The following NFIA variants were observed in gnomAD, a reference collection of about 807,000 sequenced individuals.
NFIA encodes nuclear factor I A.
NFIA carries 8 observed loss-of-function variants against 62.8 expected under a neutral mutation model. The observed-to-expected ratio is 0.13, with a 90% CI of 0.07 to 0.23. NFIA has a LOEUF of 0.23. NFIA is among the 10% of genes least tolerant of loss of function. The pLI, the probability that NFIA is intolerant of heterozygous loss-of-function variation, is 1.00. For missense variants in NFIA, 410 were observed against 642.1 expected, an observed-to-expected ratio of 0.64 and a Z score of 3.91; for synonymous variants, 235 against 238.1, an observed-to-expected ratio of 0.99 and a Z score of 0.12.
At chr1:61,199,964 C>T (rs899579235) in intron 2 of NFIA, among the ~76,000 whole-genome samples, 11 of 142,968 alleles carry the variant, frequency 7.7e-5, no homozygotes, top group Admixed American at 6.4e-4. Context: ...CACTGCACTC[C>T]AGCCTGCACG....
At chr1:61,117,955 A>G (rs1338546181) in intron 2 of NFIA, among the ~76,000 whole-genome samples, 1 of 152,110 alleles carries the variant, frequency 6.6e-6, no homozygotes. Flanking sequence ...AGGCTGAGGC[A>G]GGTGGATTGC....
chr1:61,305,972 C>T (rs548829875), intron 3 of NFIA, among the ~76,000 whole-genome samples: 7 of 151,764 alleles, frequency 4.6e-5, no homozygotes, highest in Admixed American at 2.6e-4. Flanking sequence ...ATCAGCCTCC[C>T]GAGTAGCTGG....
At chr1:61,393,781 G>A (rs904188866) in intron 7 of NFIA, among the ~76,000 whole-genome samples, 1 of 152,150 alleles carries the variant, frequency 6.6e-6, no homozygotes, top group South Asian at 2.1e-4. Flanking sequence ...GGAGATAACA[G>A]CAAAGCTGGC....
intron 10 of NFIA, among the ~76,000 whole-genome samples, chr1:61,448,742 G>A (rs1462067946): frequency 6.6e-6 from 1 of 152,174 alleles, no homozygotes; most frequent in Non-Finnish European, 1.5e-5. Context: ...CGGTGGGCCG[G>A]AGTGCAGTTT....
intron 2 of NFIA, among the ~76,000 whole-genome samples, chr1:61,107,158 G>T (rs1333982811): frequency 4.6e-5 from 7 of 151,176 alleles, no homozygotes; most frequent in Admixed American, 4.6e-4. Flanking sequence ...GTGTGTAAAA[G>T]TTTCTTTATG....
intron 2 of NFIA, among the ~76,000 whole-genome samples, chr1:61,166,473 A>C (rs1649574206): frequency 6.6e-6 from 1 of 152,236 alleles, no homozygotes; most frequent in Non-Finnish European, 1.5e-5. Flanking sequence ...ACTGAGAAGA[A>C]AAATAGCAGA....
chr1:61,392,841 G>C (rs529265107), intron 7 of NFIA, among the ~76,000 whole-genome samples: 55 of 152,298 alleles, frequency 3.6e-4, no homozygotes, highest in African/African-American at 1.3e-3. Context: ...CAGGGGACCT[G>C]GATTTAAACT....
chr1:61,137,150 A>G (rs1352618902), intron 2 of NFIA, among the ~76,000 whole-genome samples: 1 of 152,188 alleles, frequency 6.6e-6, no homozygotes, highest in East Asian at 1.9e-4. Context: ...TTTTGGAAGA[A>G]AAGGTGACTC....
intron 2 of NFIA, among the ~76,000 whole-genome samples, chr1:61,113,231 A>G (rs929081901): frequency 6.6e-6 from 1 of 151,936 alleles, no homozygotes; most frequent in Non-Finnish European, 1.5e-5. Context: ...GTCATCCTAG[A>G]TATACAGTGT....
intron 2 of NFIA, among the ~76,000 whole-genome samples, chr1:61,093,501 T>C (rs2100423013): frequency 6.6e-6 from 1 of 152,332 alleles, no homozygotes; most frequent in South Asian, 2.1e-4. Context: ...GGCATATTTT[T>C]AGAAATTTTA....
In NFIA at chr1:61,082,786, G is replaced by A. The variant is rs1159594132; in HGVS notation, c.-6G>A. On this transcript the variant is annotated 5_prime_UTR_variant, in exon 1 of 11. Coordinates refer to ENST00000403491, the MANE Select transcript of NFIA (RefSeq NM_001134673.4). ...ACGCACACGCATACCCCAGCGCCCG[G>A]CAGTTATGTATTCTCCGCTCTGTCT... 6.4e-7 allele frequency: 1 copy of A among 1,551,960 alleles called. No homozygotes were observed. Among genetic ancestry groups the A allele is most frequent in the Middle Eastern group, 1.7e-4 (1 of 5,992 alleles).
intron 1 of NFIA, among the ~76,000 whole-genome samples, chr1:61,085,750 G>C (rs972481434): frequency 6.6e-6 from 1 of 152,098 alleles, no homozygotes; most frequent in South Asian, 2.1e-4. Flanking sequence ...ACTTTTACTG[G>C]CAGGTTCTTA....
chr1:61,356,317 T>G (rs1417098970), intron 5 of NFIA, among the ~76,000 whole-genome samples: 1 of 152,236 alleles, frequency 6.6e-6, no homozygotes, highest in East Asian at 1.9e-4. Context: ...GGGAAATGTT[T>G]ATTTTTTTCT....
At chr1:61,183,902 G>A (rs1299660619) in intron 2 of NFIA, among the ~76,000 whole-genome samples, 2 of 151,860 alleles carry the variant, frequency 1.3e-5, no homozygotes, top group East Asian at 1.9e-4. Context: ...GTACACGTGC[G>A]CAAACTTGGG....
chr1:61,390,834 G>A (rs541783352), intron 7 of NFIA, among the ~76,000 whole-genome samples: 101 of 152,154 alleles, frequency 6.6e-4, no homozygotes, highest in Non-Finnish European at 1.4e-3. Flanking sequence ...CTTGTGCCCG[G>A]CATAAGGAAA....
chr1:61,167,397 T>C lies in NFIA; in HGVS notation c.559+78717T>C, dbSNP rs1056232175. On this transcript the variant is annotated intron_variant, in intron 2 of 10. Transcript: ENST00000403491. ...GTAGAGTCATTATGATATTATTTCA[T>C]AGCTATTAAAATTTGCTATCTTGAT... is the stretch of plus-strand genomic sequence containing the variant. Among the ~76,000 whole-genome samples, 90 of 152,340 alleles carry C rather than the reference T, an allele frequency of 5.9e-4. 1 individual carries two copies. Among genetic ancestry groups the C allele is most frequent in the African/African-American group, 1.9e-3 (80 of 41,588 alleles).
intron 5 of NFIA, among the ~76,000 whole-genome samples, chr1:61,358,379 C>CTTTTTTTTTTTTTTTTTTTTTTTTT (rs34853369): frequency 7.6e-5 from 4 of 52,616 alleles, no homozygotes; most frequent in South Asian, 8.7e-4. Context: ...TTCTTTCTTT[C>CTTTTTTTTTTTTTTTTTTTTTTTTT]TTTTTTTTTT....
intron 10 of NFIA, among the ~76,000 whole-genome samples, chr1:61,446,962 G>C (rs955381368): frequency 6.6e-6 from 1 of 152,094 alleles, no homozygotes; most frequent in African/African-American, 2.4e-5. Context: ...ACCTCCCTGG[G>C]CCACCATTGG....
intron 2 of NFIA, among the ~76,000 whole-genome samples, chr1:61,239,593 T>C (rs1655214625): frequency 6.6e-6 from 1 of 152,164 alleles, no homozygotes; most frequent in African/African-American, 2.4e-5. Flanking sequence ...GGTGATAAAA[T>C]TGTGTTTGTA....
Sources: allele counts gnomAD v4.1 joint callset (sites outside exome capture counted in the v4.1 genomes callset), GRCh38; gene constraint gnomAD v4.1.1; transcripts MANE v1.5; gene names NCBI Gene and HGNC (gene_info 2026-07-23, HGNC 2026-07-21).